The following PDE6C variants were observed in gnomAD, a reference collection of about 807,000 sequenced individuals.
PDE6C encodes cone cGMP-specific 3',5'-cyclic phosphodiesterase subunit alpha'.
In PDE6C, 75 loss-of-function variants were observed where a neutral mutation model predicts 113.1. That is an observed-to-expected ratio of 0.66 (90% CI 0.55 to 0.80). The LOEUF (loss-of-function observed/expected upper bound fraction) is 0.80. PDE6C is among the 30% of genes least tolerant of loss of function. PDE6C has a pLI of 0.00. For missense variants in PDE6C, 912 were observed against 1,038.6 expected, an observed-to-expected ratio of 0.88 and a Z score of 1.67; for synonymous variants, 375 against 363.7, an observed-to-expected ratio of 1.03 and a Z score of -0.35.
intron 1 of PDE6C, among the ~76,000 whole-genome samples, chr10:93,615,080 C>G (rs2058413845): frequency 1.3e-5 from 2 of 152,118 alleles, no homozygotes; most frequent in South Asian, 4.1e-4. Flanking sequence ...TGGCTTAAGC[C>G]CAGGAGTTCG....
Position 93,660,344 on chromosome 10 carries a change from T to C in PDE6C, c.2208+1177T>C, listed in dbSNP as rs375585847. Among the ~76,000 whole-genome samples, 5 of 152,322 alleles carry C rather than the reference T, an allele frequency of 3.3e-5. No individual in the cohort carries two copies. In the East Asian group the frequency reaches 5.8e-4, roughly 18 times the overall value. Reference sequence around the variant, plus strand: ...ATGCTAGGTTGGATGAATTAGATAGTCATGGAGAAATAGAATTCAACAAAG... The same window carrying C: ...ATGCTAGGTTGGATGAATTAGATAGCCATGGAGAAATAGAATTCAACAAAG... On this transcript the variant is annotated intron_variant, in intron 18 of 21. Coordinates refer to ENST00000371447, the MANE Select transcript of PDE6C (RefSeq NM_006204.4).
Position 93,663,081 on chromosome 10 carries a change from T to A in PDE6C, c.2421T>A (p.Asn807Lys). 6.2e-7 allele frequency: 1 copy of A among 1,613,364 alleles called. No individual in the cohort carries two copies. The highest frequency in any genetic ancestry group is 1.1e-5 in the South Asian group (1 of 91,070). Residue 807 changes from asparagine (N) to lysine (K), a missense_variant, in exon 21 of 22, where the codon AAT becomes AAA. Transcript: ENST00000371447. ...CACCTATGCTGAGTGGTCTTCAGAA[T>A]AACAGAGTAGAATGGAAATCACTAG... ...EITPMLSGLQ[N>K]NRVEWKSLAD...
At chr10:93,613,514 C>T (rs1282030638) in intron 1 of PDE6C, among the ~76,000 whole-genome samples, 1 of 152,220 alleles carries the variant, frequency 6.6e-6, no homozygotes, top group Admixed American at 6.5e-5. Context: ...CACACCCTCC[C>T]TTACGCCTCC....
At chr10:93,622,715 T>C (rs2058454648) in intron 4 of PDE6C, among the ~76,000 whole-genome samples, 1 of 146,852 alleles carries the variant, frequency 6.8e-6, no homozygotes, top group African/African-American at 2.5e-5. Flanking sequence ...CAGAATGCCA[T>C]ATAGTTGGAA....
Position 93,658,898 on chromosome 10 carries a change from T to G in PDE6C, c.2037-3T>G. ...TTGTTGCTCACAGCTGTATCTTTTC[T>G]AGGAAGAGGACCATGTTTCAAAAAA... On this transcript the variant is annotated splice_polypyrimidine_tract_variant and splice_region_variant and intron_variant, in intron 16 of 21. Coordinates refer to ENST00000371447, the MANE Select transcript of PDE6C (RefSeq NM_006204.4). 6.4e-7 allele frequency: 1 copy of G among 1,574,042 alleles called. No homozygotes were observed. Among genetic ancestry groups the G allele is most frequent in the Non-Finnish European group, 8.7e-7 (1 of 1,143,756 alleles).
chr10:93,655,639 C>CAAAA, intron 15 of PDE6C, 121 bp from the exon 16 acceptor site: 2 of 318,958 alleles, frequency 6.3e-6, no homozygotes, highest in South Asian at 3.2e-5. Context: ...GGAAGGAAAA[C>CAAAA]AAAAAAAAAA....
chr10:93,629,346 G>T, intron 8 of PDE6C, 41 bp downstream of exon 8: 1 of 1,474,850 alleles, frequency 6.8e-7, no homozygotes, highest in Non-Finnish European at 9.5e-7. Context: ...TTGGGGCTGG[G>T]GTAGAGGAGT....
intron 15 of PDE6C, among the ~76,000 whole-genome samples, chr10:93,654,150 T>C (rs1235091452): frequency 6.6e-6 from 1 of 152,224 alleles, no homozygotes; most frequent in Non-Finnish European, 1.5e-5. Flanking sequence ...GATTCAGCAT[T>C]CCACAGATAT....
At chr10:93,631,158 TC>T (rs886304584) in intron 8 of PDE6C, among the ~76,000 whole-genome samples, 1 of 152,158 alleles carries the variant, frequency 6.6e-6, no homozygotes, top group African/African-American at 2.4e-5. Context: ...GCCTGGGGCC[TC>T]CCCGGGGCCT....
intron 18 of PDE6C, among the ~76,000 whole-genome samples, 163 bp from the exon 19 acceptor site, chr10:93,661,896 A>G (rs1220443997): frequency 6.6e-6 from 1 of 152,194 alleles, no homozygotes; most frequent in Non-Finnish European, 1.5e-5. Flanking sequence ...TCGCATTTCA[A>G]TATAATCTGT....
rs541612955 is a variant in PDE6C at position 93,616,518 on chromosome 10, A to T, written c.480+3313A>T. ...TAAATGTATATAAAGGACCTGACTC[A>T]TAGTAGATGCTCAATAAATGATAGC... is the stretch of plus-strand genomic sequence containing the variant. On this transcript the variant is annotated intron_variant, in intron 1 of 21. Coordinates refer to ENST00000371447, the MANE Select transcript of PDE6C (RefSeq NM_006204.4). Among the ~76,000 whole-genome samples, 486 of 152,362 alleles carry T rather than the reference A, an allele frequency of 3.2e-3. 1 individual carries two copies. Among genetic ancestry groups the T allele is most frequent in the Non-Finnish European group, 5.0e-3 (341 of 68,028 alleles).
At chr10:93,641,524 A>G (rs553373361) in intron 14 of PDE6C, among the ~76,000 whole-genome samples, 2 of 152,222 alleles carry the variant, frequency 1.3e-5, no homozygotes, top group East Asian at 3.9e-4. Flanking sequence ...ACATGTCTAT[A>G]GGAGGTAGAC....
intron 16 of PDE6C, among the ~76,000 whole-genome samples, chr10:93,658,169 C>CAAAAAAAAAAAAAAAAAAAA (rs71031527): frequency 1.5e-4 from 9 of 59,880 alleles, no homozygotes; most frequent in East Asian, 8.4e-4. Flanking sequence ...GATTCTGTCT[C>CAAAAAAAAAAAAAAAAAAAA]AAAAAAAAAA....
chr10:93,619,463 G>T (rs1476635067), intron 1 of PDE6C, among the ~76,000 whole-genome samples: 1 of 152,034 alleles, frequency 6.6e-6, no homozygotes, highest in East Asian at 1.9e-4. Context: ...TTTTGCTCTT[G>T]TTGCCCAGGC....
intron 21 of PDE6C, among the ~76,000 whole-genome samples, chr10:93,664,729 T>C (rs554177378): frequency 6.6e-6 from 1 of 152,308 alleles, no homozygotes; most frequent in South Asian, 2.1e-4. Flanking sequence ...AGAGAATTCT[T>C]TGTGGACTAA....
At chr10:93,617,123 C>A (rs766635941) in intron 1 of PDE6C, among the ~76,000 whole-genome samples, 53 of 152,174 alleles carry the variant, frequency 3.5e-4, no homozygotes, top group Non-Finnish European at 5.4e-4. Context: ...TTTAGCAATA[C>A]TGACATCTGA....
rs2058674304 is a variant in PDE6C, at chr10:93,663,144, G to A, written c.2484G>A (p.Glu828=). The A allele has an allele frequency of 6.8e-6, 11 of 1,613,570 alleles. No individual in the cohort carries two copies. Among genetic ancestry groups the A allele is most frequent in the Non-Finnish European group, 7.6e-6 (9 of 1,179,810 alleles). ...EYDAKMKVIE[E]EAKKQEGGAE... ...ATGCAAAGATGAAGGTCATTGAAGA[G>A]GAGGCAAAAAAGCAAGAAGGAGGAG... Residue 828 remains glutamate (E), a synonymous_variant, in exon 21 of 22, where the codon GAG becomes GAA. Transcript: ENST00000371447.
Position 93,640,602 on chromosome 10 carries a change from C to T in PDE6C, c.1737+45C>T. The T allele has an allele frequency of 2.3e-6, 3 of 1,278,780 alleles. 1 individual carries two copies. The South Asian group carries it at 3.6e-5, about 15-fold the overall frequency. The allele number at this position is 1,278,780 out of a possible 1,614,324, so 79.2% of individuals were successfully genotyped here. A position where few individuals can be genotyped will look rare whatever the true frequency, so the allele number is the denominator to read the frequency against. The stretch of plus-strand genomic sequence containing the variant: ...AATCCTTGTAAACCTGCAGATTTCC[C>T]ATTTGAGCATGATGAGAAATAGGTA... On this transcript the variant is annotated intron_variant, in intron 13 of 21. Coordinates refer to ENST00000371447, the MANE Select transcript of PDE6C (RefSeq NM_006204.4).
chr10:93,616,813 C>G (rs2058422178), intron 1 of PDE6C, among the ~76,000 whole-genome samples: 1 of 152,048 alleles, frequency 6.6e-6, no homozygotes, highest in South Asian at 2.1e-4. Flanking sequence ...ACCACCATGC[C>G]CAGCTAATTT....
Sources: gnomAD v4.1 joint callset for allele counts (sites outside exome capture counted in the v4.1 genomes callset) on GRCh38, gnomAD v4.1.1 for gene constraint, MANE v1.5 for transcripts, NCBI Gene and HGNC (gene_info 2026-07-23, HGNC 2026-07-21) for gene names.